The following CTTNBP2NL variants were observed in gnomAD, a reference collection of about 807,000 sequenced individuals.
CTTNBP2NL encodes CTTNBP2 N-terminal-like protein.
Under a neutral mutation model 32.5 loss-of-function variants are expected in CTTNBP2NL, and 16 were observed. That is an observed-to-expected ratio of 0.49 (90% CI 0.33 to 0.75). CTTNBP2NL has a LOEUF of 0.75. CTTNBP2NL is among the 30% of genes least tolerant of loss of function. CTTNBP2NL has a pLI of 0.02. For missense variants in CTTNBP2NL, 645 were observed against 756.0 expected, an observed-to-expected ratio of 0.85 and a Z score of 1.72; for synonymous variants, 298 against 289.4, an observed-to-expected ratio of 1.03 and a Z score of -0.30.
intron 3 of CTTNBP2NL, among the ~76,000 whole-genome samples, chr1:112,430,484 C>T (rs1008384950): frequency 2.6e-5 from 4 of 151,488 alleles, no homozygotes; most frequent in Admixed American, 2.0e-4. Flanking sequence ...GTGATCCACC[C>T]GCCTCGGCCT....
chr1:112,452,401 A>G (rs1229403227), intron 4 of CTTNBP2NL, among the ~76,000 whole-genome samples: 3 of 138,904 alleles, frequency 2.2e-5, no homozygotes. Flanking sequence ...CTGGAGTGCA[A>G]TGGCACAATC....
At chr1:112,415,349 C>G (rs1261899194) in intron 2 of CTTNBP2NL, among the ~76,000 whole-genome samples, 1 of 152,128 alleles carries the variant, frequency 6.6e-6, no homozygotes, top group African/African-American at 2.4e-5. Context: ...AAAAATTTCT[C>G]CCATACTCCC....
chr1:112,454,050 A>C (rs1420773213), intron 4 of CTTNBP2NL, among the ~76,000 whole-genome samples: 1 of 152,186 alleles, frequency 6.6e-6, no homozygotes, highest in African/African-American at 2.4e-5. Context: ...AGAATTGAGA[A>C]GAAAATCTCA....
intron 3 of CTTNBP2NL, 80 bp from the exon 4 acceptor site, chr1:112,448,862 T>C: frequency 2.6e-6 from 2 of 773,924 alleles, no homozygotes; most frequent in Non-Finnish European, 4.5e-6. Flanking sequence ...CAACCTTTAA[T>C]GTATAACCAC....
Position 112,456,843 on chromosome 1 carries a change from T to A in CTTNBP2NL, c.1351T>A (p.Tyr451Asn), listed in dbSNP as rs760548309. 3.7e-5 allele frequency: 59 copies of A among 1,614,018 alleles called. No individual in the cohort carries two copies. Among genetic ancestry groups the A allele is most frequent in the Non-Finnish European group, 4.7e-5 (56 of 1,180,040 alleles). The change falls in exon 6 of 6, where the codon TAC becomes AAC. Residue 451 changes from tyrosine (Y) to asparagine (N), a missense_variant. Coordinates refer to ENST00000271277, the MANE Select transcript of CTTNBP2NL (RefSeq NM_018704.3). ...TAGCAGCCCTGGCTACCAGTCATCG[T>A]ACCAAGTAGGGATCAACCAACGGTT... Reference protein sequence around the residue: ...SASSPGYQSSYQVGINQRFHA... With the variant: ...SASSPGYQSSNQVGINQRFHA...
At chr1:112,451,935 G>A (rs1650231704) in intron 4 of CTTNBP2NL, among the ~76,000 whole-genome samples, 1 of 152,062 alleles carries the variant, frequency 6.6e-6, no homozygotes. Flanking sequence ...TCAAAGTAAA[G>A]TAGTTACCAC....
chr1:112,394,372 G>C (rs1648260863), upstream of CTTNBP2NL, among the ~76,000 whole-genome samples: 1 of 152,120 alleles, frequency 6.6e-6, no homozygotes, highest in Non-Finnish European at 1.5e-5. Flanking sequence ...AGAGCGAAAG[G>C]GAGGAGGAGG....
rs531944451 is a variant in CTTNBP2NL at position 112,443,922 on chromosome 1, TTG to T, written c.100-5019_100-5018del. On this transcript the variant is annotated intron_variant, in intron 3 of 5. Transcript: ENST00000271277. Reference sequence around the variant, plus strand: ...ATAGTTTATCTATAGTGTGAATTACTTGACAGTAAATAGATTCAGTGTGCATG... The same window carrying T: ...ATAGTTTATCTATAGTGTGAATTACTACAGTAAATAGATTCAGTGTGCATG... Among the ~76,000 whole-genome samples, 9 of 152,334 alleles carry T rather than the reference TTG, an allele frequency of 5.9e-5. No individual in the cohort carries two copies. The East Asian group carries it at 1.7e-3, about 29-fold the overall frequency.
chr1:112,404,281 T>C (rs2488757), intron 1 of CTTNBP2NL, among the ~76,000 whole-genome samples: 78,084 of 152,112 alleles, frequency 0.51, 23,778 homozygotes, highest in African/African-American at 0.86. Flanking sequence ...AATTGTTAAA[T>C]TTTTTTTAAG....
chr1:112,403,091 C>A (rs1333258627), intron 1 of CTTNBP2NL, among the ~76,000 whole-genome samples: 2 of 152,132 alleles, frequency 1.3e-5, no homozygotes, highest in South Asian at 4.1e-4. Flanking sequence ...TCTTAAATAA[C>A]TAAGTAAATT....
intron 3 of CTTNBP2NL, among the ~76,000 whole-genome samples, chr1:112,431,870 A>G (rs921254906): frequency 1.3e-5 from 2 of 152,056 alleles, no homozygotes; most frequent in South Asian, 4.1e-4. Context: ...GAGGCTGGGC[A>G]CACAGGATCA....
chr1:112,415,580 A>G (rs956513325), intron 2 of CTTNBP2NL, among the ~76,000 whole-genome samples: 7 of 96,762 alleles, frequency 7.2e-5, no homozygotes, highest in Non-Finnish European at 1.6e-4. Context: ...TTTTTGAGAC[A>G]GAGTCTCACT....
At chr1:112,433,985 G>A (rs929471068) in intron 3 of CTTNBP2NL, among the ~76,000 whole-genome samples, 6 of 151,172 alleles carry the variant, frequency 4.0e-5, no homozygotes, top group East Asian at 1.9e-4. Context: ...CAGTCTTTCC[G>A]CCTTGGCCTC....
Position 112,457,231 on chromosome 1 carries a change from C to T in CTTNBP2NL, c.1739C>T (p.Pro580Leu). 3 of 1,614,170 alleles carry T rather than the reference C, an allele frequency of 1.9e-6. No individual in the cohort carries two copies. Among genetic ancestry groups the T allele is most frequent in the Non-Finnish European group, 2.5e-6 (3 of 1,180,038 alleles). Residue 580 changes from proline (P) to leucine (L), a missense_variant, in exon 6 of 6, where the codon CCA becomes CTA. Pro to Leu is a moderately conservative substitution (Grantham distance 98). Coordinates refer to ENST00000271277, the MANE Select transcript of CTTNBP2NL (RefSeq NM_018704.3). ...CCCAGAGCTGAGAGAGGAAACCCTC[C>T]ACCCATCCCACCCAAGAAACCTGGC... ...TIPRAERGNPPPIPPKKPGLT... is the reference protein window; with the variant it reads ...TIPRAERGNPLPIPPKKPGLT...
chr1:112,451,324 CT>C (rs1413073397), intron 4 of CTTNBP2NL, among the ~76,000 whole-genome samples: 1 of 149,614 alleles, frequency 6.7e-6, no homozygotes, highest in African/African-American at 2.4e-5. Context: ...CACCACCATT[CT>C]CTGTCACATC....
At chr1:112,417,295 A>G (rs1649095342) in intron 3 of CTTNBP2NL, among the ~76,000 whole-genome samples, 1 of 152,202 alleles carries the variant, frequency 6.6e-6, no homozygotes, top group African/African-American at 2.4e-5. Flanking sequence ...TTGTTGAACA[A>G]ATGAAATGAT....
chr1:112,414,342 C>A (rs559810587), intron 2 of CTTNBP2NL, among the ~76,000 whole-genome samples: 1 of 152,258 alleles, frequency 6.6e-6, no homozygotes, highest in South Asian at 2.1e-4. Context: ...CCAGCCTGGG[C>A]AACTGAGTGA....
intron 3 of CTTNBP2NL, among the ~76,000 whole-genome samples, chr1:112,434,572 C>T (rs1649671818): frequency 6.6e-6 from 1 of 152,122 alleles, no homozygotes; most frequent in African/African-American, 2.4e-5. Context: ...GATTTGTAAC[C>T]TAACCATCAT....
At chr1:112,443,688 G>T (rs1020819942) in intron 3 of CTTNBP2NL, among the ~76,000 whole-genome samples, 5 of 152,094 alleles carry the variant, frequency 3.3e-5, no homozygotes, top group Admixed American at 3.3e-4. Flanking sequence ...TCTCTTTACT[G>T]TCATGTTTAA....
Sources: allele counts gnomAD v4.1 joint callset (sites outside exome capture counted in the v4.1 genomes callset), GRCh38; gene constraint gnomAD v4.1.1; transcripts MANE v1.5; gene names NCBI Gene and HGNC (gene_info 2026-07-23, HGNC 2026-07-21).